The following ENTPD1 variants were observed in gnomAD, a reference collection of about 807,000 sequenced individuals.
The protein encoded by ENTPD1 is ATP diphosphohydrolase.
A neutral mutation model predicts 57.0 loss-of-function variants in ENTPD1; 33 were observed. That is an observed-to-expected ratio of 0.58 (90% CI 0.44 to 0.77). The LOEUF (loss-of-function observed/expected upper bound fraction) is 0.77, where lower values mean the gene tolerates loss of function less well. Ranked by LOEUF, ENTPD1 falls within the 30% of genes least tolerant of loss-of-function variation. The pLI, the probability that ENTPD1 is intolerant of heterozygous loss-of-function variation, is 0.00. For missense variants in ENTPD1, 501 were observed against 603.4 expected, an observed-to-expected ratio of 0.83 and a Z score of 1.78; for synonymous variants, 202 against 218.8, an observed-to-expected ratio of 0.92 and a Z score of 0.68.
At position 95,810,033 on chromosome 10, in the gene ENTPD1, C is replaced by T. The variant is rs374356440; in HGVS notation, c.17-13204C>T. On this transcript the variant is annotated intron_variant, in intron 1 of 9. Transcript: ENST00000371205. ...CTCACTTCCCAGACAGGGTCGCAGTCGGGCAGAGGCACTCCTCACTTCCCA... is the reference window on the plus strand; with the variant it reads ...CTCACTTCCCAGACAGGGTCGCAGTTGGGCAGAGGCACTCCTCACTTCCCA... Among the ~76,000 whole-genome samples the T allele has an allele frequency of 7.5e-5, 10 of 133,446 alleles. No individual in the cohort carries two copies. In the East Asian group the frequency reaches 9.4e-4, roughly 13 times the overall value. 87.5% of individuals were successfully genotyped at this position (133,446 alleles called of 152,430 possible). A position where few individuals can be genotyped will look rare whatever the true frequency, so the allele number is the denominator to read the frequency against.
intron 2 of ENTPD1, among the ~76,000 whole-genome samples, chr10:95,826,571 CAAAAA>C (rs35615283): frequency 1.9e-4 from 21 of 107,984 alleles, no homozygotes; most frequent in Admixed American, 3.9e-4. Flanking sequence ...GACGCCAACT[CAAAAA>C]AAAAAAAAAA....
chr10:95,732,963 A>G (rs1442966969), intron 1 of ENTPD1, among the ~76,000 whole-genome samples: 1 of 152,202 alleles, frequency 6.6e-6, no homozygotes, highest in Non-Finnish European at 1.5e-5. Flanking sequence ...TCAGGCACGC[A>G]TTGTCATTGA....
At chr10:95,845,251 T>A in intron 5 of ENTPD1, 106 bp from the exon 6 acceptor site, 4 of 1,537,802 alleles carry the variant, frequency 2.6e-6, no homozygotes, top group Non-Finnish European at 3.6e-6. Flanking sequence ...TTGCCTCACC[T>A]TTATGCCCCT....
chr10:95,742,337 G>C (rs188697101), intron 1 of ENTPD1, among the ~76,000 whole-genome samples: 2 of 151,872 alleles, frequency 1.3e-5, no homozygotes, highest in African/African-American at 4.8e-5. Flanking sequence ...GGGTAACCCC[G>C]TCTGGAGAAG....
intron 1 of ENTPD1, among the ~76,000 whole-genome samples, chr10:95,760,996 A>T (rs2098058825): frequency 6.6e-6 from 1 of 151,630 alleles, no homozygotes; most frequent in African/African-American, 2.4e-5. Flanking sequence ...CACCCGGCTA[A>T]TTTTTTGTAA....
At chr10:95,719,824 G>A (rs1389813476) in intron 1 of ENTPD1, among the ~76,000 whole-genome samples, 1 of 152,208 alleles carries the variant, frequency 6.6e-6, no homozygotes, top group African/African-American at 2.4e-5. Flanking sequence ...AACAGTCCAG[G>A]TGAGTTGAGA....
chr10:95,733,263 C>G (rs1344600315), intron 1 of ENTPD1, among the ~76,000 whole-genome samples: 1 of 152,362 alleles, frequency 6.6e-6, no homozygotes, highest in African/African-American at 2.4e-5. Flanking sequence ...TCTGTTCCAC[C>G]TGGCTCTCAG....
At chr10:95,718,626 A>G (rs560845573) in intron 1 of ENTPD1, among the ~76,000 whole-genome samples, 2 of 152,222 alleles carry the variant, frequency 1.3e-5, no homozygotes, top group Admixed American at 1.3e-4. Context: ...TAGAGTCTGT[A>G]TATATATTTA....
intron 1 of ENTPD1, among the ~76,000 whole-genome samples, chr10:95,731,050 C>T (rs562686968): frequency 6.6e-6 from 1 of 152,322 alleles, no homozygotes; most frequent in East Asian, 1.9e-4. Context: ...TGTTTGGTCT[C>T]TCAGGTAACT....
the ENTPD1 span, among the ~76,000 whole-genome samples, chr10:95,698,329 T>C: frequency 2.0e-5 from 3 of 152,216 alleles, no homozygotes; most frequent in Non-Finnish European, 2.9e-5. Flanking sequence ...CTTATGCTGA[T>C]ATTCAGGAGC....
intron 1 of ENTPD1, among the ~76,000 whole-genome samples, chr10:95,768,627 A>C (rs926753850): frequency 6.6e-6 from 1 of 151,618 alleles, no homozygotes; most frequent in Non-Finnish European, 1.5e-5. Flanking sequence ...AATTTTCCTT[A>C]ACTATCTCCC....
chr10:95,847,766 C>T, intron 7 of ENTPD1, 60 bp downstream of exon 7: 1 of 1,608,694 alleles, frequency 6.2e-7, no homozygotes, highest in Non-Finnish European at 8.5e-7. Context: ...GAATATGTGC[C>T]TACAAAAGAT....
At chr10:95,794,855 G>C (rs1476945917) in intron 1 of ENTPD1, among the ~76,000 whole-genome samples, 1 of 152,108 alleles carries the variant, frequency 6.6e-6, no homozygotes, top group African/African-American at 2.4e-5. Flanking sequence ...TCTGGGCGAG[G>C]ACAGCATAGT....
intron 3 of ENTPD1, among the ~76,000 whole-genome samples, chr10:95,841,335 C>T (rs768212685): frequency 1.4e-4 from 21 of 151,878 alleles, no homozygotes; most frequent in Non-Finnish European, 2.6e-4. Flanking sequence ...TGCAGTTAGC[C>T]GAGATCGCGC....
chr10:95,722,456 C>G (rs963768892), intron 1 of ENTPD1, among the ~76,000 whole-genome samples: 1 of 152,040 alleles, frequency 6.6e-6, no homozygotes, highest in African/African-American at 2.4e-5. Context: ...CCATGGAATA[C>G]TATGCAGCCA....
intron 1 of ENTPD1, among the ~76,000 whole-genome samples, chr10:95,715,624 TC>T (rs2097970710): frequency 6.6e-6 from 1 of 152,314 alleles, no homozygotes; most frequent in South Asian, 2.1e-4. Flanking sequence ...TTTCCTCTGT[TC>T]CCCTTTTACT....
chr10:95,769,497 G>C (rs2098106372), intron 1 of ENTPD1, among the ~76,000 whole-genome samples: 1 of 152,174 alleles, frequency 6.6e-6, no homozygotes, highest in Admixed American at 6.5e-5. Context: ...AGAGCTGAGA[G>C]GTAGGTTTGG....
chr10:95,758,002 CAAAAA>C (rs57407553), intron 1 of ENTPD1, among the ~76,000 whole-genome samples: 10 of 26,414 alleles, frequency 3.8e-4, no homozygotes, highest in South Asian at 2.6e-3. Flanking sequence ...GACACTGTCT[CAAAAA>C]AAAAAAAAAA....
At chr10:95,743,470 T>G (rs1469873374) in intron 1 of ENTPD1, among the ~76,000 whole-genome samples, 1 of 152,174 alleles carries the variant, frequency 6.6e-6, no homozygotes, top group Non-Finnish European at 1.5e-5. Flanking sequence ...ACTTAAGGAG[T>G]GAGGAGTTAT....
Sources: gnomAD v4.1 joint callset for allele counts (sites outside exome capture counted in the v4.1 genomes callset) on GRCh38, gnomAD v4.1.1 for gene constraint, MANE v1.5 for transcripts, NCBI Gene and HGNC (gene_info 2026-07-23, HGNC 2026-07-21) for gene names.